The following FMN1 variants were observed in gnomAD, a reference collection of about 807,000 sequenced individuals.
FMN1 encodes the protein formin 1.
A neutral mutation model predicts 132.4 loss-of-function variants in FMN1; 110 were observed. That is an observed-to-expected ratio of 0.83 (90% CI 0.71 to 0.97). FMN1 has a LOEUF of 0.97. Among genes scored for constraint, FMN1 ranks in the 50% least tolerant of loss-of-function variants. The pLI is 0.00. For missense variants in FMN1, 1,792 were observed against 1,705.3 expected, an observed-to-expected ratio of 1.05 and a Z score of -0.90; for synonymous variants, 722 against 651.7, an observed-to-expected ratio of 1.11 and a Z score of -1.64.
At chr15:32,978,535 T>C (rs2032392962) in intron 7 of FMN1, among the ~76,000 whole-genome samples, 1 of 152,230 alleles carries the variant, frequency 6.6e-6, no homozygotes, top group African/African-American at 2.4e-5. Context: ...AACATACTAA[T>C]TCCTTCTCTA....
intron 19 of FMN1, among the ~76,000 whole-genome samples, chr15:32,785,218 A>ATATATTTTTTTTTT (rs1444523400): frequency 4.8e-4 from 19 of 39,194 alleles, no homozygotes; most frequent in African/African-American, 6.0e-4. Flanking sequence ...ATATATATAT[A>ATATATTTTTTTTTT]TTTTTTTTTT....
rs1031938322 is a variant in FMN1 at position 32,768,967 on chromosome 15, G to A, written c.*5343C>T. The stretch of plus-strand genomic sequence containing the variant: ...GACTGAAGGACACGATCCTATCAGA[G>A]AAAGGTAAGAGAGAAAAGGTCTTCT... On this transcript the variant is annotated 3_prime_UTR_variant, in exon 21 of 21. Coordinates refer to ENST00000616417, the MANE Select transcript of FMN1 (RefSeq NM_001277313.2). 1.3e-5 allele frequency: 2 copies of A among 151,940 alleles called. No homozygotes were observed. The highest frequency in any genetic ancestry group is 2.4e-5 in the African/African-American group (1 of 41,376). The allele number at this position is 151,940 out of a possible 1,614,324, so 9.4% of individuals were successfully genotyped here.
At position 32,810,756 on chromosome 15, in the gene FMN1, G is replaced by C. The variant is rs1223174396; in HGVS notation, c.3929-6424C>G. ...AGTCCTATTTATGGATGCCCATCTG[G>C]GAGGCAGTAAATTGTGAAATAAGGG... On this transcript the variant is annotated intron_variant, in intron 17 of 20. Coordinates refer to ENST00000616417, the MANE Select transcript of FMN1 (RefSeq NM_001277313.2). 1.4e-5 allele frequency: 3 copies of C among 220,606 alleles called. No individual in the cohort carries two copies. The East Asian group carries it at 3.2e-4, about 23-fold the overall frequency. The allele number at this position is 220,606 out of a possible 1,614,324, so 13.7% of individuals were successfully genotyped here. A position where few individuals can be genotyped will look rare whatever the true frequency, so the allele number is the denominator to read the frequency against.
At chr15:32,845,406 T>G (rs1002328524) in intron 17 of FMN1, among the ~76,000 whole-genome samples, 3 of 152,210 alleles carry the variant, frequency 2.0e-5, no homozygotes, top group African/African-American at 7.2e-5. Flanking sequence ...AAAGGAATCT[T>G]TGAGGTTAAG....
At chr15:33,087,418 C>T (rs1218367761) in intron 5 of FMN1, among the ~76,000 whole-genome samples, 1 of 152,060 alleles carries the variant, frequency 6.6e-6, no homozygotes, top group African/African-American at 2.4e-5. Flanking sequence ...TGGTAGCTCA[C>T]GCCTGTAAGC....
At chr15:32,963,989 T>G (rs1010455222) in intron 9 of FMN1, 118 bp downstream of exon 9, 2 of 546,252 alleles carry the variant, frequency 3.7e-6, no homozygotes, top group African/African-American at 4.4e-5. Context: ...CATATATGTA[T>G]AGGTATGTGT....
intron 2 of FMN1, among the ~76,000 whole-genome samples, chr15:33,191,514 A>C (rs1292009451): frequency 6.6e-6 from 1 of 152,224 alleles, no homozygotes; most frequent in African/African-American, 2.4e-5. Flanking sequence ...CCTCATCCTC[A>C]AACATGCACT....
At chr15:32,816,576 C>T (rs755706275) in intron 17 of FMN1, among the ~76,000 whole-genome samples, 22 of 152,088 alleles carry the variant, frequency 1.4e-4, no homozygotes, top group African/African-American at 4.6e-4. Flanking sequence ...ACTTTGAAAG[C>T]GAGTGACCTG....
intron 9 of FMN1, among the ~76,000 whole-genome samples, chr15:32,942,921 A>C (rs1347175451): frequency 1.3e-5 from 2 of 152,216 alleles, no homozygotes; most frequent in Admixed American, 6.5e-5. Context: ...ACAAACAAAT[A>C]AATGTAGAAA....
intron 6 of FMN1, 35 bp downstream of exon 6, chr15:33,064,922 T>C: frequency 6.9e-7 from 1 of 1,457,960 alleles, no homozygotes; most frequent in Non-Finnish European, 9.6e-7. Flanking sequence ...CAGGAAGAGA[T>C]TCATTCCCGG....
At chr15:32,939,301 C>T (rs2061349742) in intron 9 of FMN1, among the ~76,000 whole-genome samples, 1 of 152,118 alleles carries the variant, frequency 6.6e-6, no homozygotes, top group Non-Finnish European at 1.5e-5. Context: ...AATCTTACAA[C>T]CTCCTTACCC....
At chr15:32,988,066 T>C (rs1596406078) in intron 7 of FMN1, among the ~76,000 whole-genome samples, 2 of 149,892 alleles carry the variant, frequency 1.3e-5, no homozygotes, top group South Asian at 4.3e-4. Flanking sequence ...TTTTTTTTTT[T>C]TTTTCTTTTT....
rs2056056360 is a variant in FMN1, at chr15:32,766,568, TAAAA to T, written c.*7738_*7741del. ...CCCGCCCAATCTTCTTAAAATAAAA[TAAAA>T]AGAGACGTATTTTCCATCTCTTTTA... On this transcript the variant is annotated 3_prime_UTR_variant, in exon 21 of 21. Transcript: ENST00000616417. The T allele has an allele frequency of 3.0e-5, 2 of 67,632 alleles. No homozygotes were observed. Among genetic ancestry groups the T allele is most frequent in the Non-Finnish European group, 6.1e-5 (2 of 32,632 alleles). The allele number at this position is 67,632 out of a possible 1,614,324, so 4.2% of individuals were successfully genotyped here.
intron 5 of FMN1, among the ~76,000 whole-genome samples, chr15:33,079,567 G>A (rs866541420): frequency 1.1e-4 from 16 of 152,366 alleles, no homozygotes; most frequent in Middle Eastern, 6.8e-3. Flanking sequence ...AGGTTGGAGT[G>A]AGCTGAGATC....
intron 6 of FMN1, among the ~76,000 whole-genome samples, chr15:33,048,278 G>T (rs1349881588): frequency 6.6e-6 from 1 of 152,054 alleles, no homozygotes; most frequent in East Asian, 1.9e-4. Flanking sequence ...GGGACATGTG[G>T]AATTAGCCAT....
intron 19 of FMN1, among the ~76,000 whole-genome samples, chr15:32,789,673 C>G (rs897015352): frequency 6.6e-6 from 1 of 152,138 alleles, no homozygotes; most frequent in African/African-American, 2.4e-5. Context: ...CAGTAATATT[C>G]TAGGCCTTCA....
intron 7 of FMN1, among the ~76,000 whole-genome samples, chr15:32,979,294 A>T (rs2032452932): frequency 6.6e-6 from 1 of 152,114 alleles, no homozygotes; most frequent in Non-Finnish European, 1.5e-5. Context: ...GGTGGTTCAC[A>T]CCTGTAATCC....
intron 4 of FMN1, among the ~76,000 whole-genome samples, chr15:33,128,747 A>C (rs373048763): frequency 6.6e-6 from 1 of 152,218 alleles, no homozygotes; most frequent in African/African-American, 2.4e-5. Context: ...GATGTGGTGA[A>C]TTTTAAAGCC....
At chr15:33,107,883 T>C (rs570907194) in intron 4 of FMN1, among the ~76,000 whole-genome samples, 3 of 152,258 alleles carry the variant, frequency 2.0e-5, no homozygotes, top group Non-Finnish European at 2.9e-5. Context: ...TAAATGCTAG[T>C]ATATTTTTTA....
Sources: allele counts gnomAD v4.1 joint callset (sites outside exome capture counted in the v4.1 genomes callset), GRCh38; gene constraint gnomAD v4.1.1; transcripts MANE v1.5; gene names NCBI Gene and HGNC (gene_info 2026-07-23, HGNC 2026-07-21).